Variants in AKAP10 observed in about 807,000 individuals in gnomAD.
AKAP10 encodes the protein A-kinase anchoring protein 10, also known as A-kinase anchor protein 10, mitochondrial.
In AKAP10, 24 loss-of-function variants were observed where a neutral mutation model predicts 80.8. The ratio of observed to expected loss-of-function variants is 0.30; its 90% confidence interval spans 0.22 to 0.42. The LOEUF (loss-of-function observed/expected upper bound fraction) is 0.42. Among genes scored for constraint, AKAP10 ranks in the 10% least tolerant of loss-of-function variants. The probability of loss-of-function intolerance (pLI) is 1.00; values close to 1 mark genes in which losing one functional copy is unlikely to be tolerated. For synonymous variants in AKAP10, 291 were observed against 277.7 expected (o/e 1.05, Z -0.48); for missense variants, 661 against 794.9 (o/e 0.83, Z 2.03).
At chr17:19,907,216 C>T (rs983794082) in intron 14 of AKAP10, among the ~76,000 whole-genome samples, 1 of 151,928 alleles carries the variant, frequency 6.6e-6, no homozygotes, top group Non-Finnish European at 1.5e-5. Context: ...TGAGGTTTCT[C>T]CATGTTGGTC....
chr17:19,951,848 C>T (rs1258009518), intron 4 of AKAP10, among the ~76,000 whole-genome samples: 1 of 150,320 alleles, frequency 6.7e-6, no homozygotes, highest in African/African-American at 2.5e-5. Context: ...TCCTATGACC[C>T]TGCCAAATCC....
chr17:19,959,442 T>C (rs2043322789), intron 3 of AKAP10, among the ~76,000 whole-genome samples: 1 of 152,182 alleles, frequency 6.6e-6, no homozygotes, highest in South Asian at 2.1e-4. Context: ...ACTGCATTAT[T>C]TTCAGTCCAG....
chr17:19,925,982 GAACCCACA>G lies in AKAP10; in HGVS notation c.1642-1473_1642-1466del, dbSNP rs1438085698. Among the ~76,000 whole-genome samples, 3 of 152,082 alleles carry G rather than the reference GAACCCACA, an allele frequency of 2.0e-5. No individual in the cohort carries two copies. The East Asian group carries it at 5.8e-4, about 29-fold the overall frequency. ...TATCTTTGGAATGGAAGAGAATCAAGAACCCACAAATACACTCTCACATTTATGGTCAA... is the reference window on the plus strand; with the variant it reads ...TATCTTTGGAATGGAAGAGAATCAAGAATACACTCTCACATTTATGGTCAA... On this transcript the variant is annotated intron_variant, in intron 10 of 14. Coordinates refer to ENST00000225737, the MANE Select transcript of AKAP10 (RefSeq NM_007202.4).
Position 19,910,353 on chromosome 17 carries a change from C to T in AKAP10, c.1835-375G>A, listed in dbSNP as rs1260246330. On this transcript the variant is annotated intron_variant, in intron 12 of 14. Transcript: ENST00000225737. The stretch of plus-strand genomic sequence containing the variant: ...AAAAAAAAAAAAAAACCACTATCAC[C>T]ACCACCACCACAATGCTCTTATTTA... Among the ~76,000 whole-genome samples the T allele has an allele frequency of 3.4e-5, 5 of 147,134 alleles. No individual in the cohort carries two copies. The South Asian group carries it at 1.0e-3, about 31-fold the overall frequency.
intron 5 of AKAP10, among the ~76,000 whole-genome samples, chr17:19,946,236 A>ATT (rs1460314405): frequency 4.0e-4 from 9 of 22,784 alleles, no homozygotes; most frequent in East Asian, 3.5e-3. Flanking sequence ...ATATATATAT[A>ATT]TTATATATAT....
Position 19,949,118 on chromosome 17 carries a change from A to G in AKAP10, c.878-1613T>C, listed in dbSNP as rs760633684. Among the ~76,000 whole-genome samples the G allele has an allele frequency of 1.4e-4, 22 of 152,322 alleles. No homozygotes were observed. In the East Asian group the frequency reaches 2.3e-3, roughly 16 times the overall value. On this transcript the variant is annotated intron_variant, in intron 4 of 14. Coordinates refer to ENST00000225737, the MANE Select transcript of AKAP10 (RefSeq NM_007202.4). ...AAGAGGACACATATGCTGGGATGAT[A>G]AAACAAATTTTAAGTAGCTACTAAA...
chr17:19,966,732 A>ATTTTTTAGCCC (rs2043424823), intron 2 of AKAP10, among the ~76,000 whole-genome samples: 1 of 119,694 alleles, frequency 8.4e-6, no homozygotes, highest in Non-Finnish European at 1.9e-5. Context: ...AATCTGAAGA[A>ATTTTTTAGCCC]AGTTACAACT....
rs549774054 is a variant in AKAP10 at position 19,970,512 on chromosome 17, A to T, written c.89-2051T>A. On this transcript the variant is annotated intron_variant, in intron 1 of 14. Coordinates refer to ENST00000225737, the MANE Select transcript of AKAP10 (RefSeq NM_007202.4). ...CCACCTGACCCTTCCTTTCCCAGAT[A>T]TAAATACTTACTAAATTAGATATTT... Among the ~76,000 whole-genome samples the T allele has an allele frequency of 1.8e-4, 28 of 152,334 alleles. 1 individual carries two copies. In the South Asian group the frequency reaches 5.0e-3, roughly 27 times the overall value.
rs531320823 is a variant in AKAP10, at chr17:19,924,766, A to C, written c.1642-249T>G. Among the ~76,000 whole-genome samples the C allele has an allele frequency of 1.6e-4, 24 of 152,280 alleles. No individual in the cohort carries two copies. The East Asian group carries it at 4.4e-3, about 28-fold the overall frequency. ...CTGAAGCCTATAATTCCTAGGTTGA[A>C]GTGCAATGGCGCGATCACAACTCAC... On this transcript the variant is annotated intron_variant, in intron 10 of 14. Coordinates refer to ENST00000225737, the MANE Select transcript of AKAP10 (RefSeq NM_007202.4).
intron 1 of AKAP10, among the ~76,000 whole-genome samples, chr17:19,970,252 A>C (rs2043477722): frequency 6.6e-6 from 1 of 152,172 alleles, no homozygotes; most frequent in Non-Finnish European, 1.5e-5. Context: ...AGTCATCCTT[A>C]ACATGGTCTG....
In AKAP10 at chr17:19,936,380, C is replaced by T. The variant is rs776963930; in HGVS notation, c.1373G>A (p.Arg458Gln). ...GCAGATATTGGATTCAATTTCTAATCGTACAACATCATCAAATCCAAGAGG... is the reference window on the plus strand; with the variant it reads ...GCAGATATTGGATTCAATTTCTAATTGTACAACATCATCAAATCCAAGAGG... ...THPLGFDDVV[R>Q]LEIESNICRE... Residue 458 changes from arginine (R) to glutamine (Q), a missense_variant, in exon 9 of 15, where the codon CGA (arginine) becomes CAA (glutamine). Transcript: ENST00000225737. 3 of 1,613,346 alleles carry T rather than the reference C, an allele frequency of 1.9e-6. No homozygotes were observed. The highest frequency in any genetic ancestry group is 2.5e-6 in the Non-Finnish European group (3 of 1,179,568).
At chr17:19,906,600 T>G (rs771628045) in intron 14 of AKAP10, among the ~76,000 whole-genome samples, 1 of 152,218 alleles carries the variant, frequency 6.6e-6, no homozygotes. Flanking sequence ...AAGACACACA[T>G]GCAGACATTC....
intron 6 of AKAP10, among the ~76,000 whole-genome samples, chr17:19,941,604 G>A (rs1444279050): frequency 2.0e-5 from 3 of 151,862 alleles, no homozygotes; most frequent in Non-Finnish European, 4.4e-5. Context: ...TTTAACTTAG[G>A]AAATATTAAC....
In AKAP10 at chr17:19,968,196, G is replaced by A. The variant is rs1436655556; in HGVS notation, c.136+218C>T. On this transcript the variant is annotated intron_variant, in intron 2 of 14. Coordinates refer to ENST00000225737, the MANE Select transcript of AKAP10 (RefSeq NM_007202.4). ...AGCCTGGGTAACAGAGCAAGACTCC[G>A]TCTCCAAAAAAAAAAAAAAAAAAAA... Among the ~76,000 whole-genome samples the A allele has an allele frequency of 8.0e-4, 76 of 94,878 alleles. 1 individual carries two copies. The highest frequency in any genetic ancestry group is 1.2e-3 in the Non-Finnish European group (61 of 52,924). The allele number at this position is 94,878 out of a possible 152,430, so 62.2% of individuals were successfully genotyped here. A position where few individuals can be genotyped will look rare whatever the true frequency, so the allele number is the denominator to read the frequency against.
chr17:19,941,027 G>A lies in AKAP10; in HGVS notation c.1062-17C>T. On this transcript the variant is annotated splice_polypyrimidine_tract_variant and intron_variant, in intron 6 of 14. Transcript: ENST00000225737. ...CTAAAGTGCCTGCACATGGACAAAA[G>A]GGAAAATTTGAGGGAACGACCAAGG... is the stretch of plus-strand genomic sequence containing the variant. 6.3e-7 allele frequency: 1 copy of A among 1,586,604 alleles called. No homozygotes were observed. The highest frequency in any genetic ancestry group is 8.5e-7 in the Non-Finnish European group (1 of 1,172,318).
chr17:19,927,426 T>A (rs760293565), intron 10 of AKAP10, among the ~76,000 whole-genome samples: 17 of 152,158 alleles, frequency 1.1e-4, no homozygotes, highest in Non-Finnish European at 1.6e-4. Flanking sequence ...CTGGAAATAA[T>A]ATAATTTGAT....
intron 8 of AKAP10, 93 bp from the exon 9 acceptor site, chr17:19,936,523 CTTGA>C: frequency 8.0e-7 from 1 of 1,255,016 alleles, no homozygotes; most frequent in Non-Finnish European, 1.1e-6. Context: ...TACAAGGCTA[CTTGA>C]TTGAGCCTGC....
At chr17:19,973,098 G>T (rs1366281408) in intron 1 of AKAP10, among the ~76,000 whole-genome samples, 1 of 152,106 alleles carries the variant, frequency 6.6e-6, no homozygotes, top group Non-Finnish European at 1.5e-5. Context: ...TTGTGTCTTA[G>T]CCTCCAGAGT....
At chr17:19,971,881 A>G (rs943437501) in intron 1 of AKAP10, among the ~76,000 whole-genome samples, 2 of 152,116 alleles carry the variant, frequency 1.3e-5, no homozygotes, top group African/African-American at 2.4e-5. Flanking sequence ...TTTGGGAAGC[A>G]GCTCACCTGA....
Sources: allele counts gnomAD v4.1 joint callset (sites outside exome capture counted in the v4.1 genomes callset), GRCh38; gene constraint gnomAD v4.1.1; transcripts MANE v1.5; gene names NCBI Gene and HGNC (gene_info 2026-07-23, HGNC 2026-07-21).